APBB2: variants seen among roughly 807,000 people sequenced by gnomAD.
The protein encoded by APBB2 is Fe65-like 1.
In APBB2, 38 loss-of-function variants were observed where a neutral mutation model predicts 82.5. The ratio of observed to expected loss-of-function variants is 0.46; its 90% CI spans 0.36 to 0.60. APBB2 has a LOEUF of 0.60. APBB2 is among the 20% of genes least tolerant of loss of function. The pLI is 0.00. For missense variants in APBB2, 772 were observed against 972.3 expected (o/e 0.79, Z 2.74); for synonymous variants, 341 against 368.2 (o/e 0.93, Z 0.85).
chr4:40,817,494 C>A (rs1746167838), intron 17 of APBB2, among the ~76,000 whole-genome samples: 1 of 151,784 alleles, frequency 6.6e-6, no homozygotes, highest in African/African-American at 2.4e-5. Flanking sequence ...GATTTTTTTT[C>A]AACCAAACAC....
intron 2 of APBB2, among the ~76,000 whole-genome samples, chr4:41,142,258 T>A (rs73810841): frequency 3.9e-5 from 6 of 152,154 alleles, no homozygotes; most frequent in Admixed American, 6.5e-5. Flanking sequence ...TGTCCCTGTA[T>A]AATATATGTT....
At chr4:41,134,306 G>A (rs955367999) in intron 2 of APBB2, among the ~76,000 whole-genome samples, 5 of 152,032 alleles carry the variant, frequency 3.3e-5, no homozygotes, top group East Asian at 3.9e-4. Flanking sequence ...AGGGCCGGGC[G>A]CAGTGGCTCA....
In APBB2 at chr4:41,202,125, C is replaced by T. The variant is rs553374142; in HGVS notation, c.-417+12280G>A. Among the ~76,000 whole-genome samples, 6 of 152,296 alleles carry T rather than the reference C, an allele frequency of 3.9e-5. No individual in the cohort carries two copies. The South Asian group carries it at 6.2e-4, about 16-fold the overall frequency. On this transcript the variant is annotated intron_variant, in intron 1 of 17. Transcript: ENST00000508593. Reference sequence around the variant, plus strand: ...GTGTATAGTTCTGCAGCATTAAGTACATTCACATTGTTGTACAATGATCAC... The same window carrying T: ...GTGTATAGTTCTGCAGCATTAAGTATATTCACATTGTTGTACAATGATCAC...
chr4:41,062,492 C>A (rs1015187394), intron 4 of APBB2, among the ~76,000 whole-genome samples: 2 of 151,916 alleles, frequency 1.3e-5, no homozygotes, highest in Non-Finnish European at 2.9e-5. Flanking sequence ...TCAGGAGAAG[C>A]AAGCTACAAA....
intron 1 of APBB2, among the ~76,000 whole-genome samples, chr4:41,190,666 T>A (rs1416618526): frequency 6.6e-6 from 1 of 152,184 alleles, no homozygotes; most frequent in Admixed American, 6.5e-5. Flanking sequence ...TAGGTTTGGA[T>A]ACTAAGTGTA....
chr4:40,852,948 T>C (rs1254355779), intron 12 of APBB2, among the ~76,000 whole-genome samples: 3 of 152,160 alleles, frequency 2.0e-5, no homozygotes, highest in Non-Finnish European at 2.9e-5. Context: ...CTGGCTTAAA[T>C]CAAGGTCTTG....
chr4:41,211,964 G>A (rs1486168025), intron 1 of APBB2, among the ~76,000 whole-genome samples: 1 of 152,116 alleles, frequency 6.6e-6, no homozygotes, highest in Non-Finnish European at 1.5e-5. Flanking sequence ...TAGGTATTAA[G>A]CCCAGTATCT....
intron 12 of APBB2, among the ~76,000 whole-genome samples, chr4:40,870,394 G>T (rs1403872325): frequency 3.3e-5 from 5 of 152,134 alleles, no homozygotes; most frequent in African/African-American, 1.2e-4. Context: ...GCTGCATCGG[G>T]GTTCCAAAGC....
chr4:40,996,117 A>G (rs577075503), intron 6 of APBB2, among the ~76,000 whole-genome samples: 48 of 152,220 alleles, frequency 3.2e-4, no homozygotes, highest in Non-Finnish European at 3.5e-4. Flanking sequence ...TTGTCTTTCT[A>G]CAAGTGGCCC....
In APBB2 at chr4:41,172,819, C is replaced by T. The variant is rs576557464; in HGVS notation, c.-416-29677G>A. 7.2e-5 allele frequency among the ~76,000 whole-genome samples: 11 copies of T among 152,088 alleles called. No homozygotes were observed. The South Asian group carries it at 2.3e-3, about 32-fold the overall frequency. On this transcript the variant is annotated intron_variant, in intron 1 of 17. Transcript: ENST00000508593. ...ATGGAAGGGGGAAAAGTCAGCCAGG[C>T]AAAAGATGCCAAGCTGTCATTTTTT...
At chr4:40,977,149 A>G (rs919461073) in intron 6 of APBB2, among the ~76,000 whole-genome samples, 1 of 152,210 alleles carries the variant, frequency 6.6e-6, no homozygotes, top group African/African-American at 2.4e-5. Context: ...CAGAAGAAAC[A>G]CAGAGCCAAA....
chr4:41,039,100 T>C (rs1406532290), intron 4 of APBB2, among the ~76,000 whole-genome samples: 1 of 152,258 alleles, frequency 6.6e-6, no homozygotes, highest in Non-Finnish European at 1.5e-5. Context: ...ACATAGTATA[T>C]ATTAAAACCA....
At chr4:41,141,130 C>A (rs1330838953) in intron 2 of APBB2, among the ~76,000 whole-genome samples, 1 of 152,154 alleles carries the variant, frequency 6.6e-6, no homozygotes, top group Non-Finnish European at 1.5e-5. Context: ...CCCCTAAAGA[C>A]AGGGACTATG....
At position 41,094,754 on chromosome 4, in the gene APBB2, G is replaced by A. The variant is rs745467774; in HGVS notation, c.-149+5885C>T. On this transcript the variant is annotated intron_variant, in intron 3 of 17. Transcript: ENST00000508593. ...TAATTTTTGTATTTTTAGTAGAGAC[G>A]GGGTTTCGCTATGTTGGCTAGGCTG... Among the ~76,000 whole-genome samples, 25 of 152,068 alleles carry A rather than the reference G, an allele frequency of 1.6e-4. 1 individual carries two copies. Among genetic ancestry groups the A allele is most frequent in the African/African-American group, 5.1e-4 (21 of 41,400 alleles).
At chr4:41,128,285 T>C (rs1005070007) in intron 2 of APBB2, among the ~76,000 whole-genome samples, 1 of 152,158 alleles carries the variant, frequency 6.6e-6, no homozygotes, top group South Asian at 2.1e-4. Context: ...TGGTGAGGCT[T>C]TGGAGCAAAG....
At chr4:40,835,274 T>TAAA (rs55645125) in intron 12 of APBB2, among the ~76,000 whole-genome samples, 11 of 130,930 alleles carry the variant, frequency 8.4e-5, no homozygotes, top group South Asian at 4.9e-4. Context: ...AGATTCCGTC[T>TAAA]AAAAAAAAAA....
intron 1 of APBB2, among the ~76,000 whole-genome samples, chr4:41,151,206 TG>T (rs1452042802): frequency 6.6e-6 from 1 of 152,234 alleles, no homozygotes; most frequent in Non-Finnish European, 1.5e-5. Context: ...TAACATATAA[TG>T]GTGGCTCTTA....
intron 6 of APBB2, among the ~76,000 whole-genome samples, chr4:40,949,087 T>C (rs1031183536): frequency 6.6e-6 from 1 of 152,094 alleles, no homozygotes; most frequent in Non-Finnish European, 1.5e-5. Context: ...GAGACCAGCA[T>C]GGCCAATATG....
intron 11 of APBB2, 155 bp downstream of exon 11, chr4:40,893,110 G>C: frequency 1.2e-6 from 1 of 821,680 alleles, no homozygotes; most frequent in Non-Finnish European, 1.9e-6. Context: ...TCAGTCACAC[G>C]GGGGTACCAT....
Sources: allele counts gnomAD v4.1 joint callset (sites outside exome capture counted in the v4.1 genomes callset), GRCh38; gene constraint gnomAD v4.1.1; transcripts MANE v1.5; gene names NCBI Gene and HGNC (gene_info 2026-07-23, HGNC 2026-07-21).